The following SORT1 variants were observed in gnomAD, a reference collection of about 807,000 sequenced individuals.
SORT1 encodes sortilin 1.
A neutral mutation model predicts 101.7 loss-of-function variants in SORT1; 39 were observed. The ratio of observed to expected loss-of-function variants is 0.38; its 90% CI spans 0.30 to 0.50. The LOEUF is 0.50. SORT1 is among the 20% of genes least tolerant of loss of function. The pLI is 0.90. For synonymous variants in SORT1, 396 were observed against 393.7 expected (o/e 1.01, Z -0.07); for missense variants, 878 against 1,040.4 (o/e 0.84, Z 2.15).
Position 109,314,614 on chromosome 1 carries a change from C to T in SORT1, c.2357+58G>A. 3 of 1,269,190 alleles carry T rather than the reference C, an allele frequency of 2.4e-6. No individual in the cohort carries two copies. In the South Asian group the frequency reaches 3.6e-5, roughly 15 times the overall value. The allele number at this position is 1,269,190 out of a possible 1,614,324, so 78.6% of individuals were successfully genotyped here. A position where few individuals can be genotyped will look rare whatever the true frequency, so the allele number is the denominator to read the frequency against. On this transcript the variant is annotated intron_variant, in intron 18 of 19. Coordinates refer to ENST00000256637, the MANE Select transcript of SORT1 (RefSeq NM_002959.7). The stretch of plus-strand genomic sequence containing the variant: ...GCCAAGAGTAGACTCAGCCATATGC[C>T]CTAGATCAGCCTTCTGGCTTGAACT...
intron 13 of SORT1, 67 bp from the exon 14 acceptor site, chr1:109,325,156 T>A: frequency 9.5e-7 from 1 of 1,051,948 alleles, no homozygotes; most frequent in Non-Finnish European, 1.3e-6. Flanking sequence ...AGAAAACCAC[T>A]CTGGCTTTTT....
At chr1:109,380,813 C>CAAAAAAAAAAAAAAAAA in intron 1 of SORT1, among the ~76,000 whole-genome samples, 1 of 49,224 alleles carries the variant, frequency 2.0e-5, no homozygotes, top group African/African-American at 9.6e-5. Context: ...CCTGTCGCCA[C>CAAAAAAAAAAAAAAAAA]AAAAAAAAAA....
chr1:109,384,915 T>C (rs1057314879), intron 1 of SORT1, among the ~76,000 whole-genome samples: 4 of 152,002 alleles, frequency 2.6e-5, no homozygotes, highest in African/African-American at 9.7e-5. Context: ...CCATCTCTAC[T>C]AAAAATGCAA....
intron 3 of SORT1, among the ~76,000 whole-genome samples, 185 bp from the exon 4 acceptor site, chr1:109,355,654 C>G (rs552527902): frequency 7.1e-5 from 10 of 140,384 alleles, no homozygotes; most frequent in Non-Finnish European, 1.1e-4. Context: ...CGCCCCCCCC[C>G]CCACAAACCC....
chr1:109,376,985 G>A (rs996405310), intron 1 of SORT1, among the ~76,000 whole-genome samples: 2 of 152,158 alleles, frequency 1.3e-5, no homozygotes, highest in Non-Finnish European at 2.9e-5. Flanking sequence ...ACAGGGGACA[G>A]ACTATACCAG....
At chr1:109,355,527 T>TAGGAACTCAGTAATA in intron 3 of SORT1, 58 bp from the exon 4 acceptor site, 2 of 791,818 alleles carry the variant, frequency 2.5e-6, no homozygotes, top group Non-Finnish European at 4.5e-6. Context: ...TATTACTGAG[T>TAGGAACTCAGTAATA]TCCTACTCAG....
At chr1:109,349,330 G>A (rs542095097) in intron 6 of SORT1, among the ~76,000 whole-genome samples, 124 of 152,200 alleles carry the variant, frequency 8.1e-4, no homozygotes, top group African/African-American at 2.9e-3. Context: ...GGGCAACAGA[G>A]CAAGACTCCG....
intron 11 of SORT1, among the ~76,000 whole-genome samples, chr1:109,329,211 T>C (rs1648286005): frequency 6.6e-6 from 1 of 152,166 alleles, no homozygotes; most frequent in Non-Finnish European, 1.5e-5. Context: ...AAAAAAAAGA[T>C]ATTCCACTCA....
intron 1 of SORT1, among the ~76,000 whole-genome samples, chr1:109,388,382 G>A (rs1453877861): frequency 2.0e-5 from 3 of 151,322 alleles, no homozygotes; most frequent in African/African-American, 7.3e-5. Flanking sequence ...AGGGCTACCG[G>A]CATATGCTAC....
rs972348079 is a variant in SORT1, at chr1:109,312,432, C to T, written c.*1611G>A. On this transcript the variant is annotated 3_prime_UTR_variant, in exon 20 of 20. Coordinates refer to ENST00000256637, the MANE Select transcript of SORT1 (RefSeq NM_002959.7). The stretch of plus-strand genomic sequence containing the variant: ...CATCCACTCTCTCCCCCACTTTCCA[C>T]GCAGCTGTTAATCCATTCTGGGGAG... The T allele has an allele frequency of 1.3e-5, 2 of 152,234 alleles. No individual in the cohort carries two copies. Among genetic ancestry groups the T allele is most frequent in the Admixed American group, 6.6e-5 (1 of 15,228 alleles). The allele number at this position is 152,234 out of a possible 1,614,324, so 9.4% of individuals were successfully genotyped here.
At chr1:109,393,174 A>G in intron 1 of SORT1, 1 of 985,472 alleles carries the variant, frequency 1.0e-6, no homozygotes, top group Non-Finnish European at 1.2e-6. Flanking sequence ...AAACACACGC[A>G]TTCTTCCCAG....
chr1:109,363,926 T>G (rs1650909500), intron 3 of SORT1, among the ~76,000 whole-genome samples: 1 of 152,228 alleles, frequency 6.6e-6, no homozygotes, highest in Non-Finnish European at 1.5e-5. Context: ...TTGACTTGGT[T>G]GGCCAGTCAC....
chr1:109,319,764 G>A (rs1475248278), intron 15 of SORT1, among the ~76,000 whole-genome samples: 2 of 152,094 alleles, frequency 1.3e-5, no homozygotes, highest in Non-Finnish European at 2.9e-5. Flanking sequence ...CTACTCGGGA[G>A]GCTGAGGCAG....
chr1:109,329,453 C>A (rs529241741), intron 11 of SORT1, among the ~76,000 whole-genome samples: 1 of 152,274 alleles, frequency 6.6e-6, no homozygotes, highest in East Asian at 1.9e-4. Flanking sequence ...CAGGGTTTCA[C>A]CATGTTAGTG....
Position 109,354,369 on chromosome 1 carries a change from C to CA in SORT1, c.705dup (p.Glu236Ter). The CA allele has an allele frequency of 1.9e-6, 3 of 1,611,882 alleles. No homozygotes were observed. Among genetic ancestry groups the CA allele is most frequent in the Non-Finnish European group, 2.5e-6 (3 of 1,178,508 alleles). ...CCATGTTCCTCAACTGGACTTACTTCAGTGCTGAGAGCTAAAAGATAATCA... is the reference window on the plus strand; with the variant it reads ...CCATGTTCCTCAACTGGACTTACTTCAAGTGCTGAGAGCTAAAAGATAATCA... On this transcript the variant is annotated frameshift_variant, in exon 5 of 20. Transcript: ENST00000256637. LOFTEE classifies it high-confidence loss of function.
At chr1:109,354,595 T>C in intron 4 of SORT1, 64 bp from the exon 5 acceptor site, 1 of 1,241,536 alleles carries the variant, frequency 8.1e-7, no homozygotes, top group Non-Finnish European at 1.1e-6. Flanking sequence ...CAGGAGTTCT[T>C]ACACCATTTT....
At chr1:109,366,198 A>T (rs1651077611) in intron 3 of SORT1, among the ~76,000 whole-genome samples, 1 of 152,224 alleles carries the variant, frequency 6.6e-6, no homozygotes, top group Non-Finnish European at 1.5e-5. Context: ...ACCTTTGAGA[A>T]GACAACTCTA....
chr1:109,320,707 C>G (rs1476067454), intron 15 of SORT1, among the ~76,000 whole-genome samples: 1 of 152,238 alleles, frequency 6.6e-6, no homozygotes, highest in African/African-American at 2.4e-5. Flanking sequence ...CTGGCACCTT[C>G]TGTTTTGCAA....
chr1:109,376,182 T>C (rs1386033905), intron 1 of SORT1, among the ~76,000 whole-genome samples: 1 of 151,588 alleles, frequency 6.6e-6, no homozygotes, highest in African/African-American at 2.4e-5. Flanking sequence ...TACAAAAAAT[T>C]AGCCGGGCGT....
Sources: gnomAD v4.1 joint callset for allele counts (sites outside exome capture counted in the v4.1 genomes callset) on GRCh38, gnomAD v4.1.1 for gene constraint, MANE v1.5 for transcripts, NCBI Gene and HGNC (gene_info 2026-07-23, HGNC 2026-07-21) for gene names.